PCDHA6: variants seen among roughly 807,000 people sequenced by gnomAD.
PCDHA6 encodes the protein protocadherin alpha 6, also known as protocadherin alpha-6.
PCDHA6 carries 55 observed loss-of-function variants against 60.3 expected under a neutral mutation model. The observed-to-expected ratio is 0.91, with a 90% CI of 0.73 to 1.14. The LOEUF is 1.14. Ranked by LOEUF, PCDHA6 falls within the 50% of genes most tolerant of loss-of-function variation. PCDHA6 has a pLI of 0.00. For synonymous variants in PCDHA6, 652 were observed against 557.9 expected (o/e 1.17, Z -2.38); for missense variants, 1,327 against 1,256.5 (o/e 1.06, Z -0.85).
chr5:140,869,274 G>A, intron 1 of PCDHA6: 1 of 1,613,594 alleles, frequency 6.2e-7, no homozygotes. Context: ...TGGAGCTGGC[G>A]GAGCTGGTGC....
intron 1 of PCDHA6, chr5:140,926,536 G>T (rs1420585785): frequency 4.6e-6 from 1 of 217,790 alleles, no homozygotes. Flanking sequence ...CGCAGCCAGC[G>T]TGGTGGTCGA....
chr5:140,863,194 T>C (rs537580785), intron 1 of PCDHA6: 17 of 849,862 alleles, frequency 2.0e-5, no homozygotes, highest in African/African-American at 1.9e-4. Flanking sequence ...CGTGGTGGCG[T>C]CGCTGGCGGA....
chr5:140,997,781 C>G (rs1207024588), intron 3 of PCDHA6, among the ~76,000 whole-genome samples: 1 of 151,626 alleles, frequency 6.6e-6, no homozygotes, highest in Non-Finnish European at 1.5e-5. Context: ...TGTTGTATAC[C>G]TATATTATAA....
intron 1 of PCDHA6, chr5:140,875,581 G>A (rs1158750138): frequency 6.8e-6 from 11 of 1,613,944 alleles, no homozygotes; most frequent in African/African-American, 4.0e-5. Context: ...CTCCGTCTAC[G>A]AGGAGGCCAA....
At chr5:140,989,744 T>C (rs1354218140) in intron 3 of PCDHA6, among the ~76,000 whole-genome samples, 1 of 152,200 alleles carries the variant, frequency 6.6e-6, no homozygotes, top group Non-Finnish European at 1.5e-5. Context: ...CATTGCCTAA[T>C]CTGGAGAAAC....
chr5:141,009,833 G>A lies in PCDHA6; in HGVS notation c.2749G>A (p.Gly917Ser), dbSNP rs782642898. The A allele has an allele frequency of 8.7e-6, 14 of 1,613,366 alleles. No homozygotes were observed. The highest frequency in any genetic ancestry group is 2.7e-5 in the African/African-American group (2 of 74,746). ...TGACAAAAGTGACTTCATAACCTTC[G>A]GCAAAAAGGAGGAGACCAAGAAAAA... ...QIDKSDFITF[G>S]KKEETKKKKK... Residue 917 changes from glycine (G) to serine (S), a missense_variant, in exon 4 of 4, where the codon GGC (glycine) becomes AGC (serine). Physicochemically the swap from Gly to Ser is moderately conservative, Grantham distance 56 (BLOSUM62 0). Coordinates refer to ENST00000529310, the MANE Select transcript of PCDHA6 (RefSeq NM_018909.4).
intron 1 of PCDHA6, among the ~76,000 whole-genome samples, chr5:140,944,623 T>G (rs535315515): frequency 2.0e-5 from 3 of 152,202 alleles, no homozygotes; most frequent in Non-Finnish European, 4.4e-5. Flanking sequence ...AGAAGTATAG[T>G]GTTGTAAGCC....
intron 1 of PCDHA6, chr5:140,843,852 T>C: frequency 2.1e-6 from 2 of 964,906 alleles, no homozygotes; most frequent in Non-Finnish European, 3.1e-6. Flanking sequence ...AAACCTTTTA[T>C]AATTAATTGA....
chr5:140,929,646 A>G (rs868995130), intron 1 of PCDHA6: 1 of 365,824 alleles, frequency 2.7e-6, no homozygotes, highest in Non-Finnish European at 5.0e-6. Flanking sequence ...TGTGTAAGGC[A>G]CTCTAATATT....
At chr5:140,912,164 C>G (rs1554195175) in intron 1 of PCDHA6, among the ~76,000 whole-genome samples, 1 of 152,158 alleles carries the variant, frequency 6.6e-6, no homozygotes, top group Non-Finnish European at 1.5e-5. Flanking sequence ...TTTATTCTGG[C>G]TGTGCTGGCA....
chr5:140,913,138 T>C (rs1367874502), intron 1 of PCDHA6, among the ~76,000 whole-genome samples: 1 of 152,204 alleles, frequency 6.6e-6, no homozygotes, highest in East Asian at 1.9e-4. Flanking sequence ...CTCTACTTTT[T>C]GGAATAGTTT....
intron 1 of PCDHA6, chr5:140,926,801 C>T: frequency 1.4e-6 from 2 of 1,451,506 alleles, no homozygotes; most frequent in Non-Finnish European, 9.0e-7. Flanking sequence ...GCGTGCTCTT[C>T]CCCGCGGCTC....
intron 1 of PCDHA6, among the ~76,000 whole-genome samples, chr5:140,874,557 G>A (rs782715249): frequency 9.9e-5 from 15 of 152,144 alleles, no homozygotes; most frequent in Non-Finnish European, 1.6e-4. Flanking sequence ...GAGATCTTTC[G>A]CATTTTAGTG....
intron 1 of PCDHA6, chr5:140,926,648 G>A (rs1319870606): frequency 2.5e-5 from 12 of 475,704 alleles, no homozygotes; most frequent in Non-Finnish European, 3.5e-6. Context: ...CACCCGGCCG[G>A]CTCCGCTTTC....
intron 1 of PCDHA6, chr5:140,856,972 C>T: frequency 6.3e-7 from 1 of 1,594,490 alleles, no homozygotes; most frequent in Non-Finnish European, 8.6e-7. Context: ...ATGCTATTGA[C>T]TTTGAGGACA....
chr5:140,926,997 C>G (rs782110120), intron 1 of PCDHA6: 4 of 1,612,104 alleles, frequency 2.5e-6, no homozygotes, highest in African/African-American at 2.7e-5. Flanking sequence ...GGGGCGTAGC[C>G]GTAGGCAATC....
chr5:140,856,385 C>T lies in PCDHA6; in HGVS notation c.2394+25900C>T, dbSNP rs190288099. On this transcript the variant is annotated intron_variant, in intron 1 of 3. Coordinates refer to ENST00000529310, the MANE Select transcript of PCDHA6 (RefSeq NM_018909.4). ...CCTGGAGGTGATCGTGGACAGGCCG[C>T]TGCAGGTTTTCCATGTGGACGTGGA... 1.5e-4 allele frequency: 246 copies of T among 1,598,538 alleles called. 26 individuals are homozygous for T. The highest frequency in any genetic ancestry group is 2.0e-4 in the Non-Finnish European group (228 of 1,167,982).
intron 1 of PCDHA6, chr5:140,843,119 G>C (rs2150353177): frequency 6.3e-7 from 1 of 1,595,872 alleles, no homozygotes; most frequent in South Asian, 1.1e-5. Flanking sequence ...AGTGGACGCC[G>C]ACTCGGGCTA....
chr5:141,011,876 A>G lies in PCDHA6; in HGVS notation c.*1939A>G, dbSNP rs2098422094. ...AATTTTGTTATAATGTACAATTTAG[A>G]AGTTTGATTAATTATATTATCTATT... On this transcript the variant is annotated 3_prime_UTR_variant, in exon 4 of 4. Coordinates refer to ENST00000529310, the MANE Select transcript of PCDHA6 (RefSeq NM_018909.4). 6.5e-6 allele frequency: 1 copy of G among 153,584 alleles called. No individual in the cohort carries two copies. The highest frequency in any genetic ancestry group is 2.4e-5 in the African/African-American group (1 of 41,298). 9.5% of individuals were successfully genotyped at this position (153,584 alleles called of 1,614,324 possible).
Sources: allele counts gnomAD v4.1 joint callset (sites outside exome capture counted in the v4.1 genomes callset), GRCh38; gene constraint gnomAD v4.1.1; transcripts MANE v1.5; gene names NCBI Gene and HGNC (gene_info 2026-07-23, HGNC 2026-07-21).